RAPH1: variants seen among roughly 807,000 people sequenced by gnomAD.
RAPH1 encodes the protein Ras association (RalGDS/AF-6) and pleckstrin homology domains 1, also known as ras-associated and pleckstrin homology domains-containing protein 1.
A neutral mutation model predicts 88.1 loss-of-function variants in RAPH1; 18 were observed. The observed-to-expected ratio is 0.20, with a 90% CI of 0.14 to 0.30. The LOEUF (loss-of-function observed/expected upper bound fraction) is 0.30, where lower values mean the gene tolerates loss of function less well. RAPH1 is among the 10% of genes least tolerant of loss of function. RAPH1 has a pLI of 1.00. For missense variants in RAPH1, 1,448 were observed against 1,543.2 expected (o/e 0.94, Z 1.03); for synonymous variants, 587 against 559.0 (o/e 1.05, Z -0.71).
At chr2:203,528,163 CAT>C (rs1257954924) in intron 1 of RAPH1, among the ~76,000 whole-genome samples, 1 of 151,916 alleles carries the variant, frequency 6.6e-6, no homozygotes, top group Non-Finnish European at 1.5e-5. Flanking sequence ...GCTACCTAGA[CAT>C]AGTTTCTAAA....
chr2:203,490,840 C>T (rs1454884798), intron 3 of RAPH1, among the ~76,000 whole-genome samples: 3 of 151,790 alleles, frequency 2.0e-5, no homozygotes, highest in Admixed American at 6.6e-5. Flanking sequence ...GTCAGGAGTT[C>T]GAGACCAGCC....
At chr2:203,493,309 T>C (rs1559484906) in intron 2 of RAPH1, among the ~76,000 whole-genome samples, 1 of 152,170 alleles carries the variant, frequency 6.6e-6, no homozygotes, top group Admixed American at 6.5e-5. Flanking sequence ...GGCAGCATCA[T>C]GTAGTTCCTA....
chr2:203,470,423 T>G lies in RAPH1; in HGVS notation c.733-8498A>C, dbSNP rs1228765038. ...CAAAGCAAGAATGATTCTCTATAAT[T>G]AATCTCATATCTTTTCCCTAAGTTG... On this transcript the variant is annotated intron_variant, in intron 4 of 13. Transcript: ENST00000319170. The G allele has an allele frequency of 1.5e-5, 9 of 607,194 alleles. No homozygotes were observed. The Admixed American group carries it at 2.5e-4, about 17-fold the overall frequency. 37.6% of individuals were successfully genotyped at this position (607,194 alleles called of 1,614,324 possible). A position where few individuals can be genotyped will look rare whatever the true frequency, so the allele number is the denominator to read the frequency against.
At chr2:203,532,174 T>C (rs1390953064) in intron 1 of RAPH1, among the ~76,000 whole-genome samples, 1 of 152,066 alleles carries the variant, frequency 6.6e-6, no homozygotes, top group Non-Finnish European at 1.5e-5. Flanking sequence ...GAGGGTAGGG[T>C]AGAGGGAGGG....
At chr2:203,502,427 T>A (rs1688774626) in intron 1 of RAPH1, among the ~76,000 whole-genome samples, 1 of 152,182 alleles carries the variant, frequency 6.6e-6, no homozygotes. Flanking sequence ...TGAAGTAATT[T>A]AAGATCACAT....
At chr2:203,510,825 G>A (rs551269321) in intron 1 of RAPH1, among the ~76,000 whole-genome samples, 5 of 152,268 alleles carry the variant, frequency 3.3e-5, no homozygotes, top group African/African-American at 1.2e-4. Flanking sequence ...TTGGGAGGGT[G>A]AGGCAGGAGG....
intron 1 of RAPH1, among the ~76,000 whole-genome samples, chr2:203,533,745 C>CA (rs1581426319): frequency 1.3e-5 from 2 of 152,022 alleles, no homozygotes; most frequent in South Asian, 2.1e-4. Flanking sequence ...ACCGCACCCC[C>CA]AAAAAAACCA....
At chr2:203,481,853 C>T (rs888842225) in intron 4 of RAPH1, among the ~76,000 whole-genome samples, 3 of 150,738 alleles carry the variant, frequency 2.0e-5, no homozygotes, top group South Asian at 2.1e-4. Context: ...CCGCCCACCT[C>T]GGCCTCCCAA....
chr2:203,505,030 CCAGA>C (rs1688918314), intron 1 of RAPH1, among the ~76,000 whole-genome samples: 2 of 152,310 alleles, frequency 1.3e-5, no homozygotes, highest in African/African-American at 2.4e-5. Context: ...CAACAAGTCT[CCAGA>C]CAGTTTCACA....
At position 203,435,750 on chromosome 2, in the gene RAPH1, A is replaced by G. The variant is rs140424692; in HGVS notation, c.*3687T>C. 6.6e-6 allele frequency: 1 copy of G among 152,318 alleles called. No individual in the cohort carries two copies. Among genetic ancestry groups the G allele is most frequent in the African/African-American group, 2.4e-5 (1 of 41,574 alleles). The allele number at this position is 152,318 out of a possible 1,614,324, so 9.4% of individuals were successfully genotyped here. ...ATATGAAAAACTTTTGGTAATGTAC[A>G]AAAATAGGAATGGGTTTTTTACCTG... On this transcript the variant is annotated 3_prime_UTR_variant, in exon 14 of 14. Coordinates refer to ENST00000319170, the MANE Select transcript of RAPH1 (RefSeq NM_213589.3).
chr2:203,434,761 A>ATGAT lies in RAPH1; in HGVS notation c.*4672_*4675dup, dbSNP rs1337778778. The ATGAT allele has an allele frequency of 1.2e-4, 19 of 152,416 alleles. No homozygotes were observed. The highest frequency in any genetic ancestry group is 1.2e-3 in the Admixed American group (19 of 15,286). 9.4% of individuals were successfully genotyped at this position (152,416 alleles called of 1,614,324 possible). A position where few individuals can be genotyped will look rare whatever the true frequency, so the allele number is the denominator to read the frequency against. On this transcript the variant is annotated 3_prime_UTR_variant, in exon 14 of 14. Transcript: ENST00000319170. ...ATGAGCTTGGTATTAGTAGCCATCC[A>ATGAT]TGATAAACATAATTAATTCTCAACT...
At chr2:203,517,498 A>G (rs1054829666) in intron 1 of RAPH1, among the ~76,000 whole-genome samples, 2 of 152,202 alleles carry the variant, frequency 1.3e-5, no homozygotes, top group South Asian at 4.1e-4. Context: ...TGAACTCAAT[A>G]ACACCATCAA....
rs2098498881 is a variant in RAPH1 at position 203,436,796 on chromosome 2, G to C, written c.*2641C>G. 1 of 152,154 alleles carries C rather than the reference G, an allele frequency of 6.6e-6. No individual in the cohort carries two copies. The highest frequency in any genetic ancestry group is 6.6e-5 in the Admixed American group (1 of 15,262). 9.4% of individuals were successfully genotyped at this position (152,154 alleles called of 1,614,324 possible). A position where few individuals can be genotyped will look rare whatever the true frequency, so the allele number is the denominator to read the frequency against. ...GTAGATGCTTTCCATGAATACACCA[G>C]AGAAAAAGAGCTACAGAAATACAGT... On this transcript the variant is annotated 3_prime_UTR_variant, in exon 14 of 14. Transcript: ENST00000319170.
chr2:203,447,188 T>C (rs1275920277), intron 12 of RAPH1: 1 of 150,052 alleles, frequency 6.7e-6, no homozygotes, highest in Non-Finnish European at 1.5e-5. Context: ...TTTCTTTTTT[T>C]TTTTTTTTTT....
intron 1 of RAPH1, among the ~76,000 whole-genome samples, chr2:203,501,380 G>C (rs1056194474): frequency 2.0e-5 from 3 of 152,144 alleles, no homozygotes; most frequent in Non-Finnish European, 4.4e-5. Context: ...TTTAAAACAA[G>C]ACCTTTAGTT....
chr2:203,440,962 G>C lies in RAPH1; in HGVS notation c.2228C>G (p.Pro743Arg). The C allele has an allele frequency of 6.3e-7, 1 of 1,577,844 alleles. No individual in the cohort carries two copies. Among genetic ancestry groups the C allele is most frequent in the Non-Finnish European group, 8.6e-7 (1 of 1,164,488 alleles). ...CAPSLPQFSA[P>R]PPPLKIHQVQ... ...TTGATGGATCTTCAGTGGAGGAGGC[G>C]GGGCACTGAACTGTGGAAGGGATGG... Residue 743 changes from proline (P) to arginine (R), a missense_variant, in exon 14 of 14, where the codon CCG (proline) becomes CGG (arginine). Physicochemically the swap from Pro to Arg is moderately radical, Grantham distance 103. Coordinates refer to ENST00000319170, the MANE Select transcript of RAPH1 (RefSeq NM_213589.3).
chr2:203,531,345 G>A (rs564960588), intron 1 of RAPH1, among the ~76,000 whole-genome samples: 25 of 152,172 alleles, frequency 1.6e-4, no homozygotes, highest in Middle Eastern at 6.8e-3. Flanking sequence ...CATGGCACAC[G>A]TATACCTATG....
chr2:203,533,421 G>A (rs1342768520), intron 1 of RAPH1: 1 of 151,986 alleles, frequency 6.6e-6, no homozygotes, highest in African/African-American at 2.4e-5. Flanking sequence ...GCAAAATAAC[G>A]GAGACAATCT....
intron 4 of RAPH1, among the ~76,000 whole-genome samples, chr2:203,483,924 G>C (rs978407978): frequency 6.6e-6 from 1 of 152,030 alleles, no homozygotes; most frequent in Non-Finnish European, 1.5e-5. Flanking sequence ...ATTATACCAT[G>C]GGCTTTCCTG....
Sources: gnomAD v4.1 joint callset for allele counts (sites outside exome capture counted in the v4.1 genomes callset) on GRCh38, gnomAD v4.1.1 for gene constraint, MANE v1.5 for transcripts, NCBI Gene and HGNC (gene_info 2026-07-23, HGNC 2026-07-21) for gene names.